Variants in SAMD12 observed in about 807,000 individuals in gnomAD.
SAMD12 encodes sterile alpha motif domain containing 12, also known as sterile alpha motif domain-containing protein 12.
SAMD12 carries 9 observed loss-of-function variants against 15.0 expected under a neutral mutation model. The ratio of observed to expected loss-of-function variants is 0.60; its 90% CI spans 0.36 to 1.05. SAMD12 has a LOEUF of 1.05. Ranked by LOEUF, SAMD12 falls within the 50% of genes least tolerant of loss-of-function variation. The pLI, the probability that SAMD12 is intolerant of heterozygous loss-of-function variation, is 0.01. For synonymous variants in SAMD12, 86 were observed against 90.1 expected (o/e 0.96, Z 0.25); for missense variants, 230 against 234.2 (o/e 0.98, Z 0.12).
chr8:118,592,701 A>G (rs547602122), intron 1 of SAMD12, among the ~76,000 whole-genome samples: 3 of 152,348 alleles, frequency 2.0e-5, no homozygotes, highest in Admixed American at 2.0e-4. Context: ...TTCAAAAGTC[A>G]AATATCTAGA....
chr8:118,284,424 G>A (rs1813820816), intron 4 of SAMD12: 8 of 453,064 alleles, frequency 1.8e-5, no homozygotes, highest in Non-Finnish European at 1.8e-5. Context: ...ATTGACAAGT[G>A]AGTGATTCTG....
intron 2 of SAMD12, among the ~76,000 whole-genome samples, chr8:118,490,631 C>T (rs563678003): frequency 2.6e-5 from 4 of 152,252 alleles, no homozygotes; most frequent in South Asian, 4.1e-4. Flanking sequence ...AGGAATACCA[C>T]GTCAATTCCT....
intron 1 of SAMD12, among the ~76,000 whole-genome samples, chr8:118,584,747 TGAA>T (rs1827388936): frequency 6.6e-6 from 1 of 152,206 alleles, no homozygotes; most frequent in South Asian, 2.1e-4. Flanking sequence ...AATGCCCTTT[TGAA>T]GGCACCATGT....
chr8:118,382,124 A>T (rs1459019759), intron 3 of SAMD12, among the ~76,000 whole-genome samples: 3 of 152,242 alleles, frequency 2.0e-5, no homozygotes, highest in Non-Finnish European at 4.4e-5. Context: ...AGACATCTAC[A>T]TCTTTATACA....
intron 2 of SAMD12, among the ~76,000 whole-genome samples, chr8:118,543,029 G>A (rs1402106789): frequency 2.7e-5 from 4 of 150,918 alleles, no homozygotes; most frequent in Admixed American, 2.6e-4. Flanking sequence ...ATGAAAGGAT[G>A]AAAAAAAGGA....
rs28365492 is a variant in SAMD12, at chr8:118,217,507, C to A, written c.434-19775G>T. 2.1e-3 allele frequency among the ~76,000 whole-genome samples: 321 copies of A among 152,186 alleles called. 2 individuals are homozygous for A. Among genetic ancestry groups the A allele is most frequent in the African/African-American group, 7.2e-3 (297 of 41,526 alleles). Reference sequence around the variant, plus strand: ...TGCTTGAAATATTTGGAAGAAAAGACAATATCTTTACAGAAAAATAATTAA... The same window carrying A: ...TGCTTGAAATATTTGGAAGAAAAGAAAATATCTTTACAGAAAAATAATTAA... On this transcript the variant is annotated intron_variant, in intron 4 of 4. Transcript: ENST00000409003.
intron 2 of SAMD12, among the ~76,000 whole-genome samples, chr8:118,579,156 A>T (rs1827222242): frequency 6.6e-6 from 1 of 152,148 alleles, no homozygotes; most frequent in Non-Finnish European, 1.5e-5. Flanking sequence ...CACACTAGAA[A>T]TGTTTAAAGT....
At chr8:118,527,743 T>C (rs1486810448) in intron 2 of SAMD12, among the ~76,000 whole-genome samples, 5 of 152,304 alleles carry the variant, frequency 3.3e-5, no homozygotes, top group African/African-American at 9.6e-5. Flanking sequence ...TCCCCACTTA[T>C]TCCTACTTAA....
chr8:118,492,980 C>T (rs981357888), intron 2 of SAMD12, among the ~76,000 whole-genome samples: 2 of 152,144 alleles, frequency 1.3e-5, no homozygotes. Flanking sequence ...ATCTCTGCTA[C>T]ATACCCAGTA....
At chr8:118,218,003 CAT>C (rs928040631) in intron 4 of SAMD12, among the ~76,000 whole-genome samples, 1 of 152,154 alleles carries the variant, frequency 6.6e-6, no homozygotes, top group Admixed American at 6.5e-5. Context: ...TGCTTGGTCA[CAT>C]GTGGTCCTAC....
the SAMD12 span, among the ~76,000 whole-genome samples, chr8:118,182,417 C>A: frequency 6.6e-6 from 1 of 152,152 alleles, no homozygotes; most frequent in Non-Finnish European, 1.5e-5. Flanking sequence ...GTAAGGTTGG[C>A]ATGAAATTTA....
At chr8:118,208,023 T>A (rs1819913435) in intron 4 of SAMD12, among the ~76,000 whole-genome samples, 1 of 152,050 alleles carries the variant, frequency 6.6e-6, no homozygotes, top group Middle Eastern at 3.2e-3. Flanking sequence ...TTCGGGAGGC[T>A]GAGGCGGGTG....
chr8:118,571,653 C>T (rs530694266), intron 2 of SAMD12, among the ~76,000 whole-genome samples: 4 of 152,254 alleles, frequency 2.6e-5, no homozygotes, highest in South Asian at 2.1e-4. Flanking sequence ...GAGCTTGGGC[C>T]GTCGCTTCAG....
intron 4 of SAMD12, among the ~76,000 whole-genome samples, chr8:118,359,198 A>G (rs1384567638): frequency 6.6e-6 from 1 of 152,216 alleles, no homozygotes; most frequent in Non-Finnish European, 1.5e-5. Flanking sequence ...TGAGGTCATT[A>G]GGATAAGTTC....
chr8:118,263,966 C>A (rs1374293570), intron 4 of SAMD12, among the ~76,000 whole-genome samples: 1 of 152,134 alleles, frequency 6.6e-6, no homozygotes, highest in Non-Finnish European at 1.5e-5. Context: ...CAATTTGAGA[C>A]CTCCTTTACT....
intron 2 of SAMD12, among the ~76,000 whole-genome samples, chr8:118,555,709 C>T (rs935944484): frequency 3.3e-5 from 5 of 152,198 alleles, no homozygotes; most frequent in African/African-American, 4.8e-5. Context: ...ATTAAATAAT[C>T]TGTAGTGCCA....
chr8:118,270,653 A>G (rs114697076), intron 4 of SAMD12, among the ~76,000 whole-genome samples: 1 of 152,180 alleles, frequency 6.6e-6, no homozygotes, highest in Non-Finnish European at 1.5e-5. Flanking sequence ...GGAGTTGGGG[A>G]GTCACAGAAC....
At chr8:118,415,448 G>GGTGTGT (rs58176749) in intron 3 of SAMD12, among the ~76,000 whole-genome samples, 30,294 of 142,700 alleles carry the variant, frequency 0.21, 3,300 homozygotes, top group Non-Finnish European at 0.24. Flanking sequence ...CTTGTCCTAA[G>GGTGTGT]GTGTGTGTGT....
intron 4 of SAMD12, among the ~76,000 whole-genome samples, chr8:118,199,045 A>G (rs1269499188): frequency 6.6e-6 from 1 of 152,214 alleles, no homozygotes; most frequent in Non-Finnish European, 1.5e-5. Flanking sequence ...CATGGCCATT[A>G]AAATAATACT....
Sources: gnomAD v4.1 joint callset for allele counts (sites outside exome capture counted in the v4.1 genomes callset) on GRCh38, gnomAD v4.1.1 for gene constraint, MANE v1.5 for transcripts, NCBI Gene and HGNC (gene_info 2026-07-23, HGNC 2026-07-21) for gene names.